RPL5: variants seen among roughly 807,000 people sequenced by gnomAD.
The protein encoded by RPL5 is large ribosomal subunit protein uL18.
In RPL5, 1 loss-of-function variant was observed where a neutral mutation model predicts 38.4. The observed-to-expected ratio is 0.03, with a 90% CI of 0.01 to 0.12. RPL5 has a LOEUF of 0.12. Among genes scored for constraint, RPL5 ranks in the 10% least tolerant of loss-of-function variants. RPL5 has a pLI of 1.00. For synonymous variants in RPL5, 109 were observed against 121.2 expected, an observed-to-expected ratio of 0.90 and a Z score of 0.66; for missense variants, 243 against 374.1, an observed-to-expected ratio of 0.65 and a Z score of 2.89.
chr1:92,837,745 G>A (rs751478528), intron 6 of RPL5, 112 bp downstream of exon 6: 30 of 831,322 alleles, frequency 3.6e-5, no homozygotes, highest in Non-Finnish European at 5.8e-5. Context: ...GACAACATGA[G>A]CTAGACTTGT....
chr1:92,841,713 A>G, intron 7 of RPL5, 53 bp from the exon 8 acceptor site: 2 of 1,147,150 alleles, frequency 1.7e-6, no homozygotes, highest in South Asian at 3.1e-5. Flanking sequence ...TAAATTAAAT[A>G]TTCTATTCTC....
intron 6 of RPL5, among the ~76,000 whole-genome samples, chr1:92,838,057 G>A (rs936794066): frequency 6.6e-6 from 1 of 152,180 alleles, no homozygotes; most frequent in African/African-American, 2.4e-5. Flanking sequence ...GTAGAAATGA[G>A]GGGAGCCATG....
intron 5 of RPL5, chr1:92,836,914 G>T: frequency 4.5e-6 from 1 of 223,314 alleles, no homozygotes; most frequent in Non-Finnish European, 9.0e-6. Flanking sequence ...TTGAGTCTGT[G>T]CATCTTGATT....
intron 6 of RPL5, 197 bp from the exon 7 acceptor site, chr1:92,840,354 C>T: frequency 1.8e-6 from 1 of 546,062 alleles, no homozygotes; most frequent in Non-Finnish European, 3.3e-6. Context: ...AGTGATAATT[C>T]ACATTGCATA....
chr1:92,833,775 G>GTGA (rs1687009826), intron 3 of RPL5, 115 bp downstream of exon 3: 1 of 809,384 alleles, frequency 1.2e-6, no homozygotes, highest in East Asian at 2.6e-5. Flanking sequence ...AAAGCATCCA[G>GTGA]TGAATAATTT....
chr1:92,837,224 G>A, intron 5 of RPL5: 1 of 701,144 alleles, frequency 1.4e-6, no homozygotes, highest in East Asian at 2.8e-5. Flanking sequence ...GAAAGCCTTG[G>A]TAATGGCTTT....
At chr1:92,835,231 T>A in intron 4 of RPL5, 2 of 427,280 alleles carry the variant, frequency 4.7e-6, no homozygotes, top group Non-Finnish European at 8.8e-6. Context: ...TGAAGACCCT[T>A]GCTACTTAGG....
At chr1:92,837,873 A>G in intron 6 of RPL5, 1 of 523,422 alleles carries the variant, frequency 1.9e-6, no homozygotes, top group Non-Finnish European at 3.4e-6. Context: ...TTCTGTAATC[A>G]TAGTTGTAAT....
At chr1:92,835,770 G>T (rs2100683460) in intron 4 of RPL5, among the ~76,000 whole-genome samples, 1 of 151,740 alleles carries the variant, frequency 6.6e-6, no homozygotes, top group South Asian at 2.1e-4. Context: ...ATGGGATTTT[G>T]CCTTGTTTTT....
intron 4 of RPL5, 85 bp downstream of exon 4, chr1:92,834,998 T>A: frequency 3.8e-6 from 6 of 1,577,216 alleles, no homozygotes; most frequent in Non-Finnish European, 4.3e-6. Flanking sequence ...ATGGATAAGA[T>A]AGCTTAAGTT....
intron 5 of RPL5, 61 bp from the exon 6 acceptor site, chr1:92,837,395 A>G (rs966744388): frequency 1.4e-6 from 2 of 1,441,988 alleles, no homozygotes; most frequent in Non-Finnish European, 2.0e-6. Flanking sequence ...ACTAAAGTAA[A>G]TTCTTACTAG....
chr1:92,833,843 T>C, intron 3 of RPL5, 183 bp downstream of exon 3: 1 of 604,544 alleles, frequency 1.7e-6, no homozygotes, highest in South Asian at 2.0e-5. Flanking sequence ...AAAAATGCTC[T>C]TGGTTGCGCT....
rs767688347 is a variant in RPL5, at chr1:92,836,198, T to C, written c.333T>C (p.Asn111=). The C allele has an allele frequency of 1.9e-6, 3 of 1,612,300 alleles. No individual in the cohort carries two copies. The highest frequency in any genetic ancestry group is 2.2e-5 in the South Asian group (2 of 91,012). Reference sequence around the variant, plus strand: ...ATTGGTTTCTTGAATAGCTTCTCAATAGGTTTGGCATGGACAAGATCTATG... The same window carrying C: ...ATTGGTTTCTTGAATAGCTTCTCAACAGGTTTGGCATGGACAAGATCTATG... ...TGLLLARRLL[N]RFGMDKIYEG... The change falls in exon 5 of 8, where the codon AAT becomes AAC. Residue 111 remains asparagine (N), a synonymous_variant. Coordinates refer to ENST00000370321, the MANE Select transcript of RPL5 (RefSeq NM_000969.5).
intron 5 of RPL5, 104 bp from the exon 6 acceptor site, chr1:92,837,352 G>A (rs745446227): frequency 1.5e-5 from 15 of 980,404 alleles, no homozygotes; most frequent in Non-Finnish European, 2.3e-5. Flanking sequence ...CATATGATGC[G>A]ATAATTGTTT....
intron 3 of RPL5, among the ~76,000 whole-genome samples, chr1:92,834,104 T>C (rs1687023058): frequency 6.6e-6 from 1 of 152,124 alleles, no homozygotes; most frequent in African/African-American, 2.4e-5. Flanking sequence ...ACCTAGTTTA[T>C]GTGTGTGGGG....
At chr1:92,840,008 ATTT>A (rs111307161) in intron 6 of RPL5, among the ~76,000 whole-genome samples, 1 of 138,294 alleles carries the variant, frequency 7.2e-6, no homozygotes, top group Non-Finnish European at 1.6e-5. Context: ...TGCCCTGCTA[ATTT>A]TTTTTTTTTT....
chr1:92,831,990 A>T, upstream of RPL5: 1 of 1,455,662 alleles, frequency 6.9e-7, no homozygotes. Context: ...TTCACACGTC[A>T]CTGGCGTGAC....
At chr1:92,835,238 T>G in intron 4 of RPL5, 1 of 410,424 alleles carries the variant, frequency 2.4e-6, no homozygotes, top group Non-Finnish European at 4.6e-6. Context: ...CCTTGCTACT[T>G]AGGTATACAT....
rs974273887 is a variant in RPL5 at position 92,833,377 on chromosome 1, T to C, written c.4-12T>C. 6.2e-7 allele frequency: 1 copy of C among 1,601,376 alleles called. No homozygotes were observed. The highest frequency in any genetic ancestry group is 8.6e-7 in the Non-Finnish European group (1 of 1,168,714). ...GACATCAAAGTTTTAATAACATTCT[T>C]TTTTCTTTAAGGGGTTTGTTAAAGT... is the stretch of plus-strand genomic sequence containing the variant. On this transcript the variant is annotated splice_polypyrimidine_tract_variant and intron_variant, in intron 1 of 7. Transcript: ENST00000370321.
Sources: allele counts gnomAD v4.1 joint callset (sites outside exome capture counted in the v4.1 genomes callset), GRCh38; gene constraint gnomAD v4.1.1; transcripts MANE v1.5; gene names NCBI Gene and HGNC (gene_info 2026-07-23, HGNC 2026-07-21).